The following UBXN8 variants were observed in gnomAD, a reference collection of about 807,000 sequenced individuals.
UBXN8 encodes the protein UBX domain protein 8.
UBXN8 carries 27 observed loss-of-function variants against 32.1 expected under a neutral mutation model. That is an observed-to-expected ratio of 0.84 (90% CI 0.62 to 1.16). The LOEUF is 1.16. UBXN8 is among the 50% of genes most tolerant of loss of function. UBXN8 has a pLI of 0.00. For missense variants in UBXN8, 306 were observed against 311.4 expected, an observed-to-expected ratio of 0.98 and a Z score of 0.13; for synonymous variants, 109 against 111.8, an observed-to-expected ratio of 0.98 and a Z score of 0.16.
upstream of UBXN8, chr8:30,732,561 G>T (rs577411187): frequency 1.3e-5 from 4 of 297,426 alleles, no homozygotes; most frequent in Admixed American, 1.0e-4. Context: ...GGTCACAAAG[G>T]GGGAGGGGAC....
chr8:30,742,683 GC>G (rs1805238361), upstream of UBXN8, among the ~76,000 whole-genome samples: 1 of 152,044 alleles, frequency 6.6e-6, no homozygotes, highest in East Asian at 1.9e-4. Context: ...TAGTTCCTTT[GC>G]ACTCAGGTTC....
chr8:30,753,150 A>G, intron 3 of UBXN8, 45 bp downstream of exon 3: 2 of 1,443,832 alleles, frequency 1.4e-6, no homozygotes, highest in South Asian at 1.6e-5. Flanking sequence ...GAAATACAAA[A>G]ATCTCTGAGG....
chr8:30,763,174 AG>A (rs1369333820), intron 6 of UBXN8, 98 bp from the exon 7 acceptor site: 1 of 1,132,204 alleles, frequency 8.8e-7, no homozygotes, highest in African/African-American at 1.5e-5. Flanking sequence ...TTAGCAAAGC[AG>A]TATCTAAGTC....
At chr8:30,759,128 C>T (rs1193715774) in intron 5 of UBXN8, among the ~76,000 whole-genome samples, 1 of 152,030 alleles carries the variant, frequency 6.6e-6, no homozygotes, top group African/African-American at 2.4e-5. Flanking sequence ...CTCCTGACCT[C>T]ATGATCTGCC....
intron 6 of UBXN8, 62 bp downstream of exon 6, chr8:30,760,991 T>G: frequency 8.4e-7 from 1 of 1,188,332 alleles, no homozygotes; most frequent in Non-Finnish European, 1.2e-6. Flanking sequence ...TTAACATCCA[T>G]TAAATATGTC....
At chr8:30,749,395 A>AAAAAT (rs201036947) in intron 1 of UBXN8, among the ~76,000 whole-genome samples, 9 of 72,164 alleles carry the variant, frequency 1.2e-4, no homozygotes, top group African/African-American at 3.5e-4. Flanking sequence ...TCCGTCTCAA[A>AAAAAT]AAAAAAAAAT....
chr8:30,744,329 A>C, intron 1 of UBXN8, 52 bp downstream of exon 1: 1 of 1,559,002 alleles, frequency 6.4e-7, no homozygotes, highest in East Asian at 2.3e-5. Context: ...TTTTCACAGG[A>C]ATGTTGCATA....
chr8:30,764,039 G>A (rs1347505893), intron 7 of UBXN8, among the ~76,000 whole-genome samples: 1 of 152,064 alleles, frequency 6.6e-6, no homozygotes, highest in East Asian at 1.9e-4. Context: ...GTGATAATTT[G>A]GAAAACATGG....
At chr8:30,731,701 G>T (rs1804961549), upstream of UBXN8, among the ~76,000 whole-genome samples, 1 of 152,162 alleles carries the variant, frequency 6.6e-6, no homozygotes, top group Non-Finnish European at 1.5e-5. Flanking sequence ...AGGGTTGGCA[G>T]TCAACGAAGC....
At position 30,763,491 on chromosome 8, in the gene UBXN8, G is replaced by A. The variant is rs139509526; in HGVS notation, c.645+144G>A. The A allele has an allele frequency of 2.6e-4, 207 of 793,314 alleles. No individual in the cohort carries two copies. The African/African-American group carries it at 3.2e-3, about 12-fold the overall frequency. The allele number at this position is 793,314 out of a possible 1,614,324, so 49.1% of individuals were successfully genotyped here. ...TAAAGGACATTTCCAGGTACTCCAC[G>A]TTGCAGAAATTTGGCTAACTAGGCA... On this transcript the variant is annotated intron_variant, in intron 7 of 7. Coordinates refer to ENST00000265616, the MANE Select transcript of UBXN8 (RefSeq NM_005671.4).
intron 1 of UBXN8, among the ~76,000 whole-genome samples, chr8:30,745,466 G>C (rs982437001): frequency 3.3e-5 from 5 of 152,146 alleles, no homozygotes; most frequent in African/African-American, 1.2e-4. Context: ...CAATTCTAAA[G>C]TTAGAGACCA....
chr8:30,759,807 A>T (rs1359712639), intron 5 of UBXN8, among the ~76,000 whole-genome samples: 1 of 150,898 alleles, frequency 6.6e-6, no homozygotes, highest in African/African-American at 2.4e-5. Context: ...AATACAAAAA[A>T]TTAGCGGGGC....
intron 2 of UBXN8, 48 bp from the exon 3 acceptor site, chr8:30,752,987 A>G (rs1805553811): frequency 6.8e-7 from 1 of 1,476,572 alleles, no homozygotes. Flanking sequence ...TGTACTTCAA[A>G]TAAGATACTT....
intron 1 of UBXN8, among the ~76,000 whole-genome samples, chr8:30,737,857 A>C (rs953645271): frequency 1.3e-5 from 2 of 152,188 alleles, no homozygotes; most frequent in Non-Finnish European, 2.9e-5. Context: ...AAACAACAAC[A>C]ACCAACACAC....
intron 2 of UBXN8, among the ~76,000 whole-genome samples, chr8:30,752,741 G>A (rs1805547939): frequency 6.6e-6 from 1 of 152,316 alleles, no homozygotes; most frequent in East Asian, 1.9e-4. Flanking sequence ...GAAGAAGCTT[G>A]TCATTAGTGA....
chr8:30,746,526 C>CTTT (rs1186027523), intron 1 of UBXN8, among the ~76,000 whole-genome samples: 3 of 110,456 alleles, frequency 2.7e-5, no homozygotes, highest in Admixed American at 8.8e-5. Context: ...TTTTTTTTTT[C>CTTT]TTTTTTTTTT....
Position 30,763,361 on chromosome 8 carries a change from T to C in UBXN8, c.645+14T>C. On this transcript the variant is annotated intron_variant, in intron 7 of 7. Coordinates refer to ENST00000265616, the MANE Select transcript of UBXN8 (RefSeq NM_005671.4). Reference sequence around the variant, plus strand: ...TACAGCTCACAGGTAAGTGAAGGAATTCACATTTTGAGAAATATCTTTGTT... The same window carrying C: ...TACAGCTCACAGGTAAGTGAAGGAACTCACATTTTGAGAAATATCTTTGTT... 2 of 1,612,394 alleles carry C rather than the reference T, an allele frequency of 1.2e-6. No homozygotes were observed. The highest frequency in any genetic ancestry group is 1.7e-6 in the Non-Finnish European group (2 of 1,178,430).
chr8:30,752,340 C>T (rs1016927606), intron 2 of UBXN8, among the ~76,000 whole-genome samples: 8 of 152,008 alleles, frequency 5.3e-5, no homozygotes, highest in African/African-American at 9.7e-5. Flanking sequence ...GACAGAGTCC[C>T]GCTCTGTCAC....
intron 1 of UBXN8, among the ~76,000 whole-genome samples, chr8:30,737,948 A>G (rs1263844774): frequency 6.6e-6 from 1 of 152,194 alleles, no homozygotes; most frequent in African/African-American, 2.4e-5. Flanking sequence ...TAAAAGCTAA[A>G]ATACAAAGCT....
Sources: gnomAD v4.1 joint callset for allele counts (sites outside exome capture counted in the v4.1 genomes callset) on GRCh38, gnomAD v4.1.1 for gene constraint, MANE v1.5 for transcripts, NCBI Gene and HGNC (gene_info 2026-07-23, HGNC 2026-07-21) for gene names.